Variants in INAVA observed in about 807,000 individuals in gnomAD.
The protein encoded by INAVA is innate immunity activator protein.
INAVA carries 32 observed loss-of-function variants against 55.3 expected under a neutral mutation model. That is an observed-to-expected ratio of 0.58 (90% CI 0.44 to 0.78). The LOEUF (loss-of-function observed/expected upper bound fraction) is 0.78, where lower values mean the gene tolerates loss of function less well. Ranked by LOEUF, INAVA falls within the 30% of genes least tolerant of loss-of-function variation. INAVA has a pLI of 0.00. For synonymous variants in INAVA, 294 were observed against 329.4 expected, an observed-to-expected ratio of 0.89 and a Z score of 1.16; for missense variants, 756 against 786.4, an observed-to-expected ratio of 0.96 and a Z score of 0.46.
In INAVA at chr1:200,901,027, A is replaced by C; in HGVS notation, c.388A>C (p.Arg130=). The change falls in exon 5 of 10, where the codon AGG becomes CGG. Residue 130 remains arginine, a synonymous_variant. Transcript: ENST00000413687. ...GCTGTGCCTGGAGGAGAACCTCAGCAGGCAGGCTCGGCGGCAGCGGAAGCA... is the reference window on the plus strand; with the variant it reads ...GCTGTGCCTGGAGGAGAACCTCAGCCGGCAGGCTCGGCGGCAGCGGAAGCA... The part of the protein sequence containing the change: ...RRLCLEENLS[R]QARRQRKHSM... 1 of 1,549,866 alleles carries C rather than the reference A, an allele frequency of 6.5e-7. No individual in the cohort carries two copies. Among genetic ancestry groups the C allele is most frequent in the Non-Finnish European group, 8.7e-7 (1 of 1,146,848 alleles).
In INAVA at chr1:200,900,183, C is replaced by A. The variant is rs776618612; in HGVS notation, c.260C>A (p.Ala87Glu). Residue 87 changes from alanine to glutamate, a missense_variant, in exon 4 of 10, where the codon GCG (alanine) becomes GAG (glutamate). By Grantham distance (107) the Ala-to-Glu change is moderately radical. Coordinates refer to ENST00000413687, the MANE Select transcript of INAVA (RefSeq NM_001142569.3). ...KAPKVRRRIG[A>E]AYKLDDWALH... is the part of the protein sequence containing the mutation. Reference sequence around the variant, plus strand: ...CCCAAGGTTCGCCGCAGGATCGGAGCGGCTTACAAACTGGATGACTGGGCC... The same window carrying A: ...CCCAAGGTTCGCCGCAGGATCGGAGAGGCTTACAAACTGGATGACTGGGCC... 1 of 1,614,108 alleles carries A rather than the reference C, an allele frequency of 6.2e-7. No individual in the cohort carries two copies. The highest frequency in any genetic ancestry group is 2.2e-5 in the East Asian group (1 of 44,878).
chr1:200,894,983 C>T lies in INAVA; in HGVS notation c.-199C>T. On this transcript the variant is annotated 5_prime_UTR_variant, in exon 1 of 10. Transcript: ENST00000413687. ...AGCTCCGTCAGCTGGAGAGAGAGCACAGGCCTGTGGCTTGGGAGACCCTGA... is the reference window on the plus strand; with the variant it reads ...AGCTCCGTCAGCTGGAGAGAGAGCATAGGCCTGTGGCTTGGGAGACCCTGA... 1.0e-6 allele frequency: 1 copy of T among 985,702 alleles called. No individual in the cohort carries two copies. The highest frequency in any genetic ancestry group is 5.2e-4 in the Middle Eastern group (1 of 1,914). The allele number at this position is 985,702 out of a possible 1,614,324, so 61.1% of individuals were successfully genotyped here.
intron 5 of INAVA, among the ~76,000 whole-genome samples, chr1:200,901,601 T>C (rs933190594): frequency 3.3e-5 from 5 of 152,182 alleles, no homozygotes; most frequent in African/African-American, 1.2e-4. Flanking sequence ...TGGCCTGAGT[T>C]AGGCAGCAAA....
intron 9 of INAVA, among the ~76,000 whole-genome samples, chr1:200,912,754 G>A (rs1251497548): frequency 6.6e-6 from 1 of 152,180 alleles, no homozygotes; most frequent in South Asian, 2.1e-4. Flanking sequence ...TGAAATGAGA[G>A]TAGTAGAGTA....
Position 200,898,357 on chromosome 1 carries a change from G to A in INAVA, c.-44G>A. The A allele has an allele frequency of 1.2e-6, 2 of 1,614,106 alleles. No individual in the cohort carries two copies. The highest frequency in any genetic ancestry group is 8.5e-7 in the Non-Finnish European group (1 of 1,180,006). On this transcript the variant is annotated 5_prime_UTR_variant, in exon 2 of 10. Transcript: ENST00000413687. ...CAACCTGGCCCAGGCTGGTCACGGT[G>A]TCCCCCCTCCCTGCTCTGTGCCCTC...
At chr1:200,909,006 A>G in intron 7 of INAVA, 66 bp downstream of exon 7, 1 of 1,512,946 alleles carries the variant, frequency 6.6e-7, no homozygotes. Flanking sequence ...TATGCTGGGG[A>G]TGGCTATAGG....
intron 5 of INAVA, among the ~76,000 whole-genome samples, chr1:200,906,970 C>T (rs1653518316): frequency 6.6e-6 from 1 of 152,134 alleles, no homozygotes; most frequent in Admixed American, 6.5e-5. Context: ...GGACTACAGG[C>T]ATGCACCATC....
chr1:200,891,620 C>A, upstream of INAVA: 1 of 1,542,038 alleles, frequency 6.5e-7, no homozygotes, highest in African/African-American at 1.4e-5. Context: ...GGAAGATGGC[C>A]TGGACAAACA....
chr1:200,898,812 G>T (rs887035750), intron 2 of INAVA, among the ~76,000 whole-genome samples: 4 of 152,174 alleles, frequency 2.6e-5, no homozygotes, highest in African/African-American at 9.7e-5. Flanking sequence ...GGCCAAGGTG[G>T]GCGGATCACA....
At chr1:200,897,637 CT>C (rs796620041) in intron 1 of INAVA, among the ~76,000 whole-genome samples, 19 of 149,186 alleles carry the variant, frequency 1.3e-4, no homozygotes, top group Middle Eastern at 3.2e-3. Context: ...TTCCTCCTTT[CT>C]TTTTTTTTTG....
At chr1:200,897,333 T>C (rs890653589) in intron 1 of INAVA, among the ~76,000 whole-genome samples, 1 of 152,200 alleles carries the variant, frequency 6.6e-6, no homozygotes, top group African/African-American at 2.4e-5. Context: ...TCTAGGCTGA[T>C]TCCCCTTCAG....
intron 1 of INAVA, 126 bp downstream of exon 1, chr1:200,895,213 T>A: frequency 1.3e-6 from 1 of 777,408 alleles, no homozygotes; most frequent in Non-Finnish European, 1.6e-6. Context: ...GTCTGGTGTG[T>A]AGGGATGACA....
rs1255478347 is a variant in INAVA at position 200,908,822 on chromosome 1, G to A, written c.667G>A (p.Gly223Arg). The A allele has an allele frequency of 6.2e-7, 1 of 1,613,986 alleles. No homozygotes were observed. Among genetic ancestry groups the A allele is most frequent in the Non-Finnish European group, 8.5e-7 (1 of 1,179,944 alleles). Reference protein sequence around the residue: ...PQTLEGLQPTGPEAGSPERAP... With the variant: ...PQTLEGLQPTRPEAGSPERAP... ...AACCCTTGAGGGTCTGCAGCCAACA[G>A]GACCTGAGGCTGGGAGCCCAGAACG... The change falls in exon 7 of 10, where the codon GGA (glycine) becomes AGA (arginine). Residue 223 changes from glycine to arginine, a missense_variant. Around this residue, in one of 2 missense-constraint regions of INAVA, gnomAD observed 639 missense variants for 624.3 expected, o/e 1.02. Transcript: ENST00000413687.
At chr1:200,910,397 T>C (rs879648473) in intron 8 of INAVA, among the ~76,000 whole-genome samples, 2 of 152,206 alleles carry the variant, frequency 1.3e-5, no homozygotes, top group Non-Finnish European at 2.9e-5. Flanking sequence ...TTCTAAGTCA[T>C]CTGCTACTTG....
At chr1:200,906,810 C>T (rs1653511282) in intron 5 of INAVA, among the ~76,000 whole-genome samples, 1 of 152,108 alleles carries the variant, frequency 6.6e-6, no homozygotes, top group African/African-American at 2.4e-5. Context: ...GATGATTATA[C>T]AAAAGTTAGA....
At chr1:200,912,852 C>T (rs1200650491) in intron 9 of INAVA, among the ~76,000 whole-genome samples, 4 of 152,128 alleles carry the variant, frequency 2.6e-5, no homozygotes, top group Admixed American at 2.6e-4. Context: ...CATCTGGGGC[C>T]ACAGAGGCCA....
At chr1:200,900,603 C>T (rs574450190) in intron 4 of INAVA, among the ~76,000 whole-genome samples, 6 of 152,322 alleles carry the variant, frequency 3.9e-5, no homozygotes, top group South Asian at 2.1e-4. Context: ...TCCCCTGTGG[C>T]GTCAATGGCA....
intron 7 of INAVA, 110 bp from the exon 8 acceptor site, chr1:200,909,114 T>C: frequency 7.4e-7 from 1 of 1,360,408 alleles, no homozygotes; most frequent in African/African-American, 1.5e-5. Context: ...GCTGGCAGTT[T>C]GCCCTACTAA....
chr1:200,893,409 A>G (rs553277831), upstream of INAVA, among the ~76,000 whole-genome samples: 74 of 152,280 alleles, frequency 4.9e-4, no homozygotes, highest in African/African-American at 1.7e-3. Context: ...ACTTCCACCA[A>G]CCCCCACCTG....
Sources: gnomAD v4.1 joint callset for allele counts (sites outside exome capture counted in the v4.1 genomes callset) on GRCh38, gnomAD v4.1.1 for gene constraint, gnomAD v4.1.1 regional missense constraint, MANE v1.5 for transcripts, NCBI Gene and HGNC (gene_info 2026-07-23, HGNC 2026-07-21) for gene names.